Variants in PHACTR3 observed in about 807,000 individuals in gnomAD.
PHACTR3 encodes the protein protein phosphatase 1, regulatory subunit 123.
PHACTR3 carries 16 observed loss-of-function variants against 66.8 expected under a neutral mutation model. The observed-to-expected ratio is 0.24, with a 90% CI of 0.16 to 0.36. The LOEUF (loss-of-function observed/expected upper bound fraction) is 0.36. PHACTR3 is among the 10% of genes least tolerant of loss of function. PHACTR3 has a pLI of 1.00. For missense variants in PHACTR3, 647 were observed against 719.9 expected, an observed-to-expected ratio of 0.90 and a Z score of 1.16; for synonymous variants, 323 against 292.1, an observed-to-expected ratio of 1.11 and a Z score of -1.08.
chr20:59,756,869 TCTAAA>T (rs1391487571), intron 4 of PHACTR3, among the ~76,000 whole-genome samples: 3 of 151,228 alleles, frequency 2.0e-5, no homozygotes, highest in African/African-American at 7.3e-5. Flanking sequence ...ACAAATGGGA[TCTAAA>T]CTAAAGAGCT....
At chr20:59,794,808 A>T (rs1301557800) in intron 7 of PHACTR3, among the ~76,000 whole-genome samples, 1 of 152,118 alleles carries the variant, frequency 6.6e-6, no homozygotes, top group Non-Finnish European at 1.5e-5. Flanking sequence ...CTTCTAGGTT[A>T]TCCAATTGTT....
intron 1 of PHACTR3, among the ~76,000 whole-genome samples, chr20:59,659,992 T>C (rs912827088): frequency 1.3e-5 from 2 of 152,158 alleles, no homozygotes; most frequent in Non-Finnish European, 2.9e-5. Flanking sequence ...CTGGAGAGGT[T>C]TCTCCCAGCT....
intron 1 of PHACTR3, among the ~76,000 whole-genome samples, chr20:59,593,257 T>C (rs2033237326): frequency 6.6e-6 from 1 of 152,244 alleles, no homozygotes; most frequent in Non-Finnish European, 1.5e-5. Context: ...AATGGCATAA[T>C]GTTTGGAGCA....
chr20:59,604,825 C>T lies in PHACTR3; in HGVS notation c.-190C>T, dbSNP rs1197803409. The T allele has an allele frequency of 2.5e-6, 3 of 1,212,460 alleles. No individual in the cohort carries two copies. Among genetic ancestry groups the T allele is most frequent in the Non-Finnish European group, 3.1e-6 (3 of 977,014 alleles). The allele number at this position is 1,212,460 out of a possible 1,614,324, so 75.1% of individuals were successfully genotyped here. ...TGCAGCCGGCGAGGCTATTGTCTCC[C>T]CGCCCTGAAGCCAGCCCCGGCGTCT... On this transcript the variant is annotated 5_prime_UTR_variant, in exon 1 of 13. Transcript: ENST00000371015.
At chr20:59,679,988 A>G (rs1349459246) in intron 1 of PHACTR3, among the ~76,000 whole-genome samples, 1 of 152,016 alleles carries the variant, frequency 6.6e-6, no homozygotes, top group African/African-American at 2.4e-5. Context: ...ATTTCCTTCC[A>G]TTCAACCTGA....
At chr20:59,762,895 A>G (rs1377288570) in intron 4 of PHACTR3, among the ~76,000 whole-genome samples, 1 of 152,198 alleles carries the variant, frequency 6.6e-6, no homozygotes, top group African/African-American at 2.4e-5. Flanking sequence ...CCTGTGAATT[A>G]GATACAAGGG....
intron 1 of PHACTR3, among the ~76,000 whole-genome samples, chr20:59,742,789 G>C (rs953373224): frequency 6.6e-6 from 1 of 152,332 alleles, no homozygotes; most frequent in South Asian, 2.1e-4. Flanking sequence ...GGCAGAGCAC[G>C]AGCAAGGGTC....
chr20:59,695,392 T>C (rs1413840427), intron 1 of PHACTR3, among the ~76,000 whole-genome samples: 2 of 152,184 alleles, frequency 1.3e-5, no homozygotes, highest in Admixed American at 6.5e-5. Flanking sequence ...CGGCTATGTC[T>C]TGTGAGATGT....
chr20:59,607,959 G>T (rs1482629562), intron 1 of PHACTR3, among the ~76,000 whole-genome samples: 1 of 152,180 alleles, frequency 6.6e-6, no homozygotes, highest in African/African-American at 2.4e-5. Flanking sequence ...TCTAGGGTGG[G>T]TGTGTGCCAG....
chr20:59,830,196 G>A lies in PHACTR3; in HGVS notation c.1329-6309G>A, dbSNP rs2042316398. Among the ~76,000 whole-genome samples, 1 of 152,094 alleles carries A rather than the reference G, an allele frequency of 6.6e-6. No individual in the cohort carries two copies. The highest frequency in any genetic ancestry group is 2.4e-5 in the African/African-American group (1 of 41,420). On this transcript the variant is annotated intron_variant, in intron 8 of 12. Coordinates refer to ENST00000371015, the MANE Select transcript of PHACTR3 (RefSeq NM_080672.5). The surrounding 1 kb of genome is among the most constrained non-coding windows in gnomAD (Gnocchi z 5.8). ...GAGGGTGTGCGTGTCTGATGGAAGA[G>A]GGTATGAGTGTCTGATAGAAGAGGG...
intron 1 of PHACTR3, among the ~76,000 whole-genome samples, chr20:59,612,935 A>G (rs1005488096): frequency 6.6e-6 from 1 of 152,176 alleles, no homozygotes; most frequent in African/African-American, 2.4e-5. Flanking sequence ...TGAGAGTGGA[A>G]GCAAGAGAGG....
intron 1 of PHACTR3, among the ~76,000 whole-genome samples, chr20:59,623,695 T>C (rs1312638452): frequency 1.3e-5 from 2 of 152,098 alleles, no homozygotes; most frequent in African/African-American, 4.8e-5. Context: ...GTGGGGATGG[T>C]GACCACTGTC....
chr20:59,596,368 C>T (rs550090774), intron 1 of PHACTR3, among the ~76,000 whole-genome samples: 13 of 152,268 alleles, frequency 8.5e-5, no homozygotes, highest in South Asian at 2.1e-4. Context: ...TCTTGAACTT[C>T]GGACCTCAAG....
chr20:59,727,565 G>A (rs960381424), intron 1 of PHACTR3, among the ~76,000 whole-genome samples: 22 of 152,020 alleles, frequency 1.4e-4, no homozygotes, highest in African/African-American at 3.9e-4. Context: ...GAGAATTCAC[G>A]GTCCCTGGGT....
intron 7 of PHACTR3, among the ~76,000 whole-genome samples, chr20:59,787,362 G>GCCGAGGTCTCA (rs1290378445): frequency 6.6e-6 from 1 of 152,212 alleles, no homozygotes; most frequent in African/African-American, 2.4e-5. Context: ...CAGAGGAGGA[G>GCCGAGGTCTCA]CAGAGGTGGG....
At chr20:59,774,624 G>GC (rs2040464824) in intron 7 of PHACTR3, 134 bp downstream of exon 7, 1 of 1,242,590 alleles carries the variant, frequency 8.0e-7, no homozygotes, top group Non-Finnish European at 1.1e-6. Context: ...CAAGAGGGGG[G>GC]CTGTGTCCTC....
At position 59,830,724 on chromosome 20, in the gene PHACTR3, G is replaced by A. The variant is rs989428935; in HGVS notation, c.1329-5781G>A. Among the ~76,000 whole-genome samples the A allele has an allele frequency of 7.9e-5, 12 of 152,114 alleles. No homozygotes were observed. The highest frequency in any genetic ancestry group is 2.7e-4 in the African/African-American group (11 of 41,412). Reference sequence around the variant, plus strand: ...ACCTCCTCCTGTATTTAGTGTTCTCGACTCTCCCAGCATCCCTGTGGGTTT... The same window carrying A: ...ACCTCCTCCTGTATTTAGTGTTCTCAACTCTCCCAGCATCCCTGTGGGTTT... On this transcript the variant is annotated intron_variant, in intron 8 of 12. Transcript: ENST00000371015. The surrounding 1 kb of genome is among the most constrained non-coding windows in gnomAD (Gnocchi z 5.8).
intron 1 of PHACTR3, among the ~76,000 whole-genome samples, chr20:59,594,244 G>A (rs1304550822): frequency 6.6e-6 from 1 of 151,810 alleles, no homozygotes; most frequent in Non-Finnish European, 1.5e-5. Flanking sequence ...GCTCATTGCT[G>A]GTTTATAGAA....
chr20:59,744,897 C>T (rs767419557), intron 2 of PHACTR3, among the ~76,000 whole-genome samples: 7 of 152,164 alleles, frequency 4.6e-5, no homozygotes, highest in Non-Finnish European at 1.0e-4. Flanking sequence ...TTGCAGACTC[C>T]GGCGAGGCTG....
Sources: gnomAD v4.1 joint callset for allele counts (sites outside exome capture counted in the v4.1 genomes callset) on GRCh38, gnomAD v4.1.1 for gene constraint, Gnocchi (gnomAD v3.1) non-coding constraint, MANE v1.5 for transcripts, NCBI Gene and HGNC (gene_info 2026-07-23, HGNC 2026-07-21) for gene names.